MAN2A2: variants seen among roughly 807,000 people sequenced by gnomAD.
MAN2A2 encodes mannosidase alpha class 2A member 2.
In MAN2A2, 79 loss-of-function variants were observed where a neutral mutation model predicts 126.8. The observed-to-expected ratio is 0.62, with a 90% CI of 0.52 to 0.75. The LOEUF is 0.75. MAN2A2 is among the 30% of genes least tolerant of loss of function. The pLI, the probability that MAN2A2 is intolerant of heterozygous loss-of-function variation, is 0.00. For synonymous variants in MAN2A2, 671 were observed against 618.7 expected (o/e 1.08, Z -1.25); for missense variants, 1,392 against 1,522.4 (o/e 0.91, Z 1.43).
rs746984760 is a variant in MAN2A2, at chr15:90,910,944, G to A, written c.1858G>A (p.Ala620Thr). ...GGAGACCTACCACTTTGACCCTGAG[G>A]CGCCCTTCCTCCAAGTGGTGAGCCC... ...DKETYHFDPE[A>T]PFLQVDDTRL... is the part of the protein sequence containing the mutation. Residue 620 changes from alanine (A) to threonine (T), a missense_variant, in exon 12 of 23, where the codon GCG (alanine) becomes ACG (threonine). Ala to Thr is a moderately conservative substitution (Grantham distance 58). Coordinates refer to ENST00000559717, the MANE Select transcript of MAN2A2 (RefSeq NM_006122.4). 6.2e-7 allele frequency: 1 copy of A among 1,613,990 alleles called. No homozygotes were observed. The highest frequency in any genetic ancestry group is 1.1e-5 in the South Asian group (1 of 91,080).
At position 90,917,923 on chromosome 15, in the gene MAN2A2, G is replaced by A. The variant is rs923314730; in HGVS notation, c.2995-271G>A. 49 of 425,194 alleles carry A rather than the reference G, an allele frequency of 1.2e-4. 2 individuals carry two copies. In the Admixed American group the frequency reaches 1.4e-3, roughly 13 times the overall value. The allele number at this position is 425,194 out of a possible 1,614,324, so 26.3% of individuals were successfully genotyped here. Reference sequence around the variant, plus strand: ...GAGGGGAGACATGGCTGATGGGAGTGGGTTGCTCATGATAGTGTTATGTGA... The same window carrying A: ...GAGGGGAGACATGGCTGATGGGAGTAGGTTGCTCATGATAGTGTTATGTGA... On this transcript the variant is annotated intron_variant, in intron 20 of 22. Transcript: ENST00000559717.
chr15:90,913,743 A>G lies in MAN2A2; in HGVS notation c.2848A>G (p.Ser950Gly), dbSNP rs745501906. The G allele has an allele frequency of 6.9e-6, 11 of 1,595,142 alleles. No homozygotes were observed. In the East Asian group the frequency reaches 2.5e-4, roughly 36 times the overall value. ...CACTGCCCAGGCCCTGGGTGTCTCTAGCCTCAAAGATGGTGAGTAGGGCCC... is the reference window on the plus strand; with the variant it reads ...CACTGCCCAGGCCCTGGGTGTCTCTGGCCTCAAAGATGGTGAGTAGGGCCC... ...LHTAQALGVS[S>G]LKDGQLEVIL... is the part of the protein sequence containing the mutation. The change falls in exon 19 of 23, where the codon AGC becomes GGC. Residue 950 changes from serine (S) to glycine (G), a missense_variant. Transcript: ENST00000559717.
chr15:90,913,517 G>A, intron 18 of MAN2A2, 97 bp from the exon 19 acceptor site: 2 of 1,560,822 alleles, frequency 1.3e-6, no homozygotes, highest in South Asian at 2.4e-5. Context: ...AAAGATGAAT[G>A]AGAGGCGAAG....
intron 18 of MAN2A2, 54 bp from the exon 19 acceptor site, chr15:90,913,560 C>T (rs574225393): frequency 1.3e-6 from 2 of 1,580,454 alleles, no homozygotes; most frequent in Non-Finnish European, 1.7e-6. Flanking sequence ...CTGGGGACCG[C>T]TTGGGCCCAC....
At chr15:90,903,888 T>C in intron 1 of MAN2A2, 1 of 417,546 alleles carries the variant, frequency 2.4e-6, no homozygotes, top group South Asian at 2.1e-5. Flanking sequence ...AGGCACCTCC[T>C]ATCTAGGCAG....
intron 4 of MAN2A2, 61 bp downstream of exon 4, chr15:90,905,784 C>T (rs548215259): frequency 5.6e-6 from 9 of 1,602,988 alleles, no homozygotes; most frequent in South Asian, 4.5e-5. Flanking sequence ...ATGGCCAATA[C>T]AAGGGAGGGA....
At chr15:90,912,402 G>T (rs2034826120) in intron 15 of MAN2A2, 123 bp downstream of exon 15, 10 of 1,567,832 alleles carry the variant, frequency 6.4e-6, no homozygotes, top group Non-Finnish European at 7.9e-6. Flanking sequence ...AGTGGACCGG[G>T]GCCTGGGCCA....
At chr15:90,916,491 A>C (rs990722965) in intron 20 of MAN2A2, 1 of 1,266,946 alleles carries the variant, frequency 7.9e-7, no homozygotes, top group Non-Finnish European at 1.1e-6. Context: ...TTCGTCTCCC[A>C]CTTTCCTCTG....
At chr15:90,907,594 G>A in intron 8 of MAN2A2, 99 bp downstream of exon 8, 1 of 1,177,102 alleles carries the variant, frequency 8.5e-7, no homozygotes, top group Non-Finnish European at 1.2e-6. Context: ...GGTGAGTTGA[G>A]GCTCCTAGCC....
At chr15:90,911,047 T>C in intron 12 of MAN2A2, 86 bp downstream of exon 12, 1 of 1,483,430 alleles carries the variant, frequency 6.7e-7, no homozygotes, top group Non-Finnish European at 9.4e-7. Flanking sequence ...GCCGCTTCTC[T>C]TTTTCCTTCC....
intron 8 of MAN2A2, among the ~76,000 whole-genome samples, chr15:90,908,546 A>C (rs1455512341): frequency 6.6e-6 from 1 of 151,802 alleles, no homozygotes; most frequent in Non-Finnish European, 1.5e-5. Context: ...TGTTTAACAA[A>C]TATTCATTCA....
In MAN2A2 at chr15:90,922,048, A is replaced by C. The variant is rs568474315; in HGVS notation, c.*2261A>C. 1 of 152,232 alleles carries C rather than the reference A, an allele frequency of 6.6e-6. No homozygotes were observed. Among genetic ancestry groups the C allele is most frequent in the Non-Finnish European group, 1.5e-5 (1 of 68,052 alleles). 9.4% of individuals were successfully genotyped at this position (152,232 alleles called of 1,614,324 possible). A position where few individuals can be genotyped will look rare whatever the true frequency, so the allele number is the denominator to read the frequency against. Reference sequence around the variant, plus strand: ...GGGACGGTCTTTTCTAAACTTTAACATGAGACTTAAAAGATATAATAAGGG... The same window carrying C: ...GGGACGGTCTTTTCTAAACTTTAACCTGAGACTTAAAAGATATAATAAGGG... On this transcript the variant is annotated 3_prime_UTR_variant, in exon 23 of 23. Transcript: ENST00000559717.
chr15:90,919,558 C>T, intron 22 of MAN2A2, 77 bp from the exon 23 acceptor site: 4 of 1,548,088 alleles, frequency 2.6e-6, no homozygotes, highest in Non-Finnish European at 3.5e-6. Context: ...AAAGAGGTAC[C>T]AAATTGTAGA....
rs1443768660 is a variant in MAN2A2 at position 90,922,021 on chromosome 15, G to A, written c.*2234G>A. 6.6e-6 allele frequency: 1 copy of A among 152,182 alleles called. No homozygotes were observed. The highest frequency in any genetic ancestry group is 1.9e-4 in the East Asian group (1 of 5,194). The allele number at this position is 152,182 out of a possible 1,614,324, so 9.4% of individuals were successfully genotyped here. ...ACTCAAAAATTTTTATACCTCTGGT[G>A]TGGGACGGTCTTTTCTAAACTTTAA... On this transcript the variant is annotated 3_prime_UTR_variant, in exon 23 of 23. Transcript: ENST00000559717.
At chr15:90,917,954 G>C (rs1162261690) in intron 20 of MAN2A2, 1 of 529,688 alleles carries the variant, frequency 1.9e-6, no homozygotes, top group African/African-American at 1.9e-5. Flanking sequence ...TGTGAGCAAG[G>C]AACTAAAAAG....
rs1046514136 is a variant in MAN2A2, at chr15:90,921,083, T to C, written c.*1296T>C. ...GAAACTAGCCAAGGGCAAGCTATTATTCAGCAGTGTCCCGGCACTACTAAC... is the reference window on the plus strand; with the variant it reads ...GAAACTAGCCAAGGGCAAGCTATTACTCAGCAGTGTCCCGGCACTACTAAC... On this transcript the variant is annotated 3_prime_UTR_variant, in exon 23 of 23. Transcript: ENST00000559717. 3.9e-5 allele frequency: 6 copies of C among 152,176 alleles called. No individual in the cohort carries two copies. Among genetic ancestry groups the C allele is most frequent in the Admixed American group, 1.3e-4 (2 of 15,274 alleles). The allele number at this position is 152,176 out of a possible 1,614,324, so 9.4% of individuals were successfully genotyped here. A position where few individuals can be genotyped will look rare whatever the true frequency, so the allele number is the denominator to read the frequency against.
Position 90,910,931 on chromosome 15 carries a change from C to A in MAN2A2, c.1845C>A (p.His615Gln). The A allele has an allele frequency of 6.2e-7, 1 of 1,614,176 alleles. No individual in the cohort carries two copies. The highest frequency in any genetic ancestry group is 8.5e-7 in the Non-Finnish European group (1 of 1,180,018). The change falls in exon 12 of 23, where the codon CAC becomes CAA. Residue 615 changes from histidine to glutamine, a missense_variant. Coordinates refer to ENST00000559717, the MANE Select transcript of MAN2A2 (RefSeq NM_006122.4). ...YLVLGDKETY[H>Q]FDPEAPFLQV... Reference sequence around the variant, plus strand: ...TGCTGGGGGACAAGGAGACCTACCACTTTGACCCTGAGGCGCCCTTCCTCC... The same window carrying A: ...TGCTGGGGGACAAGGAGACCTACCAATTTGACCCTGAGGCGCCCTTCCTCC...
intron 6 of MAN2A2, 35 bp downstream of exon 6, chr15:90,906,532 T>C: frequency 6.2e-7 from 1 of 1,613,918 alleles, no homozygotes. Flanking sequence ...GTCTGCCCCC[T>C]GGGCTGTAAG....
chr15:90,903,258 C>G (rs2033983295), upstream of MAN2A2: 1 of 152,386 alleles, frequency 6.6e-6, no homozygotes, highest in African/African-American at 2.4e-5. Flanking sequence ...TAGACCCAGT[C>G]TCTAAGGGCT....
Sources: allele counts gnomAD v4.1 joint callset (sites outside exome capture counted in the v4.1 genomes callset), GRCh38; gene constraint gnomAD v4.1.1; transcripts MANE v1.5; gene names NCBI Gene and HGNC (gene_info 2026-07-23, HGNC 2026-07-21).